SLC44A5: variants seen among roughly 807,000 people sequenced by gnomAD.
The protein encoded by SLC44A5 is solute carrier family 44 member 5, also known as choline transporter-like protein 5.
A neutral mutation model predicts 101.8 loss-of-function variants in SLC44A5; 57 were observed. That is an observed-to-expected ratio of 0.56 (90% CI 0.45 to 0.70). The LOEUF is 0.70. SLC44A5 is among the 30% of genes least tolerant of loss of function. The pLI, the probability that SLC44A5 is intolerant of heterozygous loss-of-function variation, is 0.00. For missense variants in SLC44A5, 737 were observed against 853.1 expected, an observed-to-expected ratio of 0.86 and a Z score of 1.70; for synonymous variants, 281 against 290.9, an observed-to-expected ratio of 0.97 and a Z score of 0.35.
At chr1:75,609,105 C>T (rs757834830) in intron 1 of SLC44A5, among the ~76,000 whole-genome samples, 2 of 151,476 alleles carry the variant, frequency 1.3e-5, no homozygotes, top group Non-Finnish European at 2.9e-5. Flanking sequence ...ACTACATGAA[C>T]GAATAAAATA....
chr1:75,386,529 A>G (rs1661361529), intron 3 of SLC44A5, among the ~76,000 whole-genome samples: 1 of 152,194 alleles, frequency 6.6e-6, no homozygotes, highest in Admixed American at 6.5e-5. Flanking sequence ...TTCAAGGAGA[A>G]CTACAAACCG....
chr1:75,677,252 A>C, the SLC44A5 span, among the ~76,000 whole-genome samples: 2 of 152,230 alleles, frequency 1.3e-5, no homozygotes, highest in Non-Finnish European at 2.9e-5. Context: ...TAGAAGGGCT[A>C]AAAGTTTAAC....
At chr1:75,387,011 A>G (rs1311210090) in intron 3 of SLC44A5, among the ~76,000 whole-genome samples, 1 of 151,864 alleles carries the variant, frequency 6.6e-6, no homozygotes, top group Non-Finnish European at 1.5e-5. Flanking sequence ...AGCCATATGT[A>G]GAAAGCTGAA....
chr1:75,203,619 C>G lies in SLC44A5; in HGVS notation c.*108G>C. 7.6e-7 allele frequency: 1 copy of G among 1,321,562 alleles called. No individual in the cohort carries two copies. Among genetic ancestry groups the G allele is most frequent in the Non-Finnish European group, 1.0e-6 (1 of 991,726 alleles). 81.9% of individuals were successfully genotyped at this position (1,321,562 alleles called of 1,614,324 possible). On this transcript the variant is annotated 3_prime_UTR_variant, in exon 24 of 24. Coordinates refer to ENST00000370859, the MANE Select transcript of SLC44A5 (RefSeq NM_001130058.2). ...ACATGCAAATGCAAGCCAACAAGGT[C>G]GTGAATACAGTGTTGCTAAACACAA...
intron 1 of SLC44A5, among the ~76,000 whole-genome samples, chr1:75,550,379 A>G (rs1671872137): frequency 1.3e-5 from 2 of 152,062 alleles, no homozygotes; most frequent in Non-Finnish European, 2.9e-5. Context: ...AGTGGCTTCC[A>G]GGGGCTGGAG....
intron 3 of SLC44A5, among the ~76,000 whole-genome samples, chr1:75,367,118 A>G (rs1403976436): frequency 1.3e-5 from 2 of 152,200 alleles, no homozygotes; most frequent in African/African-American, 4.8e-5. Flanking sequence ...GTAGCCTTGC[A>G]TTGGTAGCTG....
intron 3 of SLC44A5, among the ~76,000 whole-genome samples, chr1:75,361,144 G>A (rs774632451): frequency 6.6e-6 from 1 of 151,824 alleles, no homozygotes; most frequent in Non-Finnish European, 1.5e-5. Flanking sequence ...ATGATTTTTC[G>A]TGTTGAGTTT....
chr1:75,470,052 C>A (rs778135191), intron 2 of SLC44A5, among the ~76,000 whole-genome samples: 1 of 152,040 alleles, frequency 6.6e-6, no homozygotes, highest in African/African-American at 2.4e-5. Flanking sequence ...TATCACCAAC[C>A]TTTCTATTTG....
chr1:75,695,286 A>C, the SLC44A5 span, among the ~76,000 whole-genome samples: 2 of 152,212 alleles, frequency 1.3e-5, no homozygotes, highest in African/African-American at 4.8e-5. Context: ...AGTGCCCTAA[A>C]ATCAGATGCT....
chr1:75,393,979 C>T (rs917674099), intron 3 of SLC44A5, among the ~76,000 whole-genome samples: 1 of 152,076 alleles, frequency 6.6e-6, no homozygotes, highest in South Asian at 2.1e-4. Flanking sequence ...GCAATCAGGG[C>T]TAGAGATGTA....
Position 75,282,544 on chromosome 1 carries a change from G to T in SLC44A5, c.176-7502C>A, listed in dbSNP as rs181293513. On this transcript the variant is annotated intron_variant, in intron 5 of 23. Coordinates refer to ENST00000370859, the MANE Select transcript of SLC44A5 (RefSeq NM_001130058.2). ...AAGGGGCCAGGGGTGGAATAATATG[G>T]TCTGGTTCTGTGTTCCCACCAAAAT... 1.2e-4 allele frequency among the ~76,000 whole-genome samples: 19 copies of T among 152,238 alleles called. No homozygotes were observed. The East Asian group carries it at 3.7e-3, about 29-fold the overall frequency.
chr1:75,328,727 G>A (rs371207174), intron 4 of SLC44A5, among the ~76,000 whole-genome samples: 18 of 152,270 alleles, frequency 1.2e-4, no homozygotes, highest in African/African-American at 4.3e-4. Context: ...CCTCATCATG[G>A]CTTTCAAACC....
At chr1:75,588,596 G>C (rs905726681) in intron 1 of SLC44A5, among the ~76,000 whole-genome samples, 1 of 152,056 alleles carries the variant, frequency 6.6e-6, no homozygotes, top group Non-Finnish European at 1.5e-5. Context: ...CCCAGAGATA[G>C]ATGTTTTTTA....
At chr1:75,721,558 TG>T in the SLC44A5 span, among the ~76,000 whole-genome samples, 1 of 152,220 alleles carries the variant, frequency 6.6e-6, no homozygotes, top group South Asian at 2.1e-4. Context: ...GGGACAAATC[TG>T]ATATTAAATG....
At chr1:75,451,738 AAAAG>A (rs1476364230) in intron 2 of SLC44A5, among the ~76,000 whole-genome samples, 1 of 152,118 alleles carries the variant, frequency 6.6e-6, no homozygotes, top group East Asian at 1.9e-4. Context: ...TAGACCAAGA[AAAAG>A]AAATAATTAT....
At chr1:75,664,594 C>T in the SLC44A5 span, among the ~76,000 whole-genome samples, 1 of 152,038 alleles carries the variant, frequency 6.6e-6, no homozygotes, top group African/African-American at 2.4e-5. Context: ...TCTAGGAATA[C>T]AGATAACCAA....
chr1:75,435,298 C>A (rs926543493), intron 2 of SLC44A5, among the ~76,000 whole-genome samples: 1 of 152,104 alleles, frequency 6.6e-6, no homozygotes, highest in African/African-American at 2.4e-5. Flanking sequence ...TACCTATTAA[C>A]TAAAATCTAC....
intron 1 of SLC44A5, among the ~76,000 whole-genome samples, chr1:75,602,325 T>TA (rs1484471974): frequency 1.3e-5 from 2 of 152,224 alleles, no homozygotes; most frequent in Non-Finnish European, 2.9e-5. Context: ...TTTGTCTTAG[T>TA]AATGTTTCCA....
intron 2 of SLC44A5, among the ~76,000 whole-genome samples, chr1:75,539,475 C>T (rs1204984096): frequency 6.6e-6 from 1 of 152,130 alleles, no homozygotes; most frequent in Non-Finnish European, 1.5e-5. Context: ...CAACAAGTAT[C>T]CAAGTGTTGT....
Sources: gnomAD v4.1 joint callset for allele counts (sites outside exome capture counted in the v4.1 genomes callset) on GRCh38, gnomAD v4.1.1 for gene constraint, MANE v1.5 for transcripts, NCBI Gene and HGNC (gene_info 2026-07-23, HGNC 2026-07-21) for gene names.